Variants in CTSF observed in about 807,000 individuals in gnomAD.
The protein encoded by CTSF is cathepsin F.
A neutral mutation model predicts 63.5 loss-of-function variants in CTSF; 65 were observed. The ratio of observed to expected loss-of-function variants is 1.02; its 90% CI spans 0.84 to 1.26. The LOEUF is 1.26. Ranked by LOEUF, CTSF falls within the 50% of genes most tolerant of loss-of-function variation. The pLI is 0.00. For missense variants in CTSF, 641 were observed against 631.0 expected (o/e 1.02, Z -0.17); for synonymous variants, 256 against 258.1 (o/e 0.99, Z 0.08).
chr11:66,568,021 G>C lies in CTSF; in HGVS notation c.275C>G (p.Pro92Arg). 1 of 1,601,838 alleles carries C rather than the reference G, an allele frequency of 6.2e-7. No individual in the cohort carries two copies. Residue 92 changes from proline (P) to arginine (R), a missense_variant, in exon 2 of 13, where the codon CCC becomes CGC. Pro to Arg is a moderately radical substitution (Grantham distance 103). Coordinates refer to ENST00000310325, the MANE Select transcript of CTSF (RefSeq NM_003793.4). ...GGACACGGGGAGCCGGCACACCATG[G>C]GGTCGTTGCAGGGTGGCTCCTCCAG... ...ATLEEPPCND[P>R]MVCRLPVSKK...
chr11:66,567,096 G>T, intron 4 of CTSF, 150 bp downstream of exon 4: 2 of 775,148 alleles, frequency 2.6e-6, no homozygotes, highest in Non-Finnish European at 4.3e-6. Flanking sequence ...TGGCTGCCAG[G>T]CTGGGAAGGC....
Position 66,564,127 on chromosome 11 carries a change from C to T in CTSF, c.1341G>A (p.Trp447Ter). 6.2e-7 allele frequency: 1 copy of T among 1,612,848 alleles called. No homozygotes were observed. The highest frequency in any genetic ancestry group is 1.7e-5 in the Admixed American group (1 of 59,790). The change falls in exon 12 of 13, where the codon TGG (tryptophan) becomes TGA (stop). Residue 447 changes from tryptophan to a stop codon, truncating the protein, a stop_gained. Coordinates refer to ENST00000310325, the MANE Select transcript of CTSF (RefSeq NM_003793.4). LOFTEE classifies it high-confidence loss of function. The stretch of plus-strand genomic sequence containing the variant: ...CAGTGCCCCAGCTGTTCTTGATGGC[C>T]CAAAAGGGAACGTCAGAGCCTGGGG... Reference protein sequence around the residue: ...GYGNRSDVPFWAIKNSWGTDW... With the variant: ...GYGNRSDVPF
chr11:66,565,601 C>G lies in CTSF; in HGVS notation c.1045+70G>C, dbSNP rs4630309. On this transcript the variant is annotated intron_variant, in intron 8 of 12. Coordinates refer to ENST00000310325, the MANE Select transcript of CTSF (RefSeq NM_003793.4). ...AACTCTCATGCTCATGTCTCCCCCCCATTATGAAGTAACTTCTTGTACAGG... is the reference window on the plus strand; with the variant it reads ...AACTCTCATGCTCATGTCTCCCCCCGATTATGAAGTAACTTCTTGTACAGG... 46 of 1,590,866 alleles carry G rather than the reference C, an allele frequency of 2.9e-5. No individual in the cohort carries two copies. In the East Asian group the frequency reaches 4.5e-4, roughly 15 times the overall value.
rs1275033733 is a variant in CTSF, at chr11:66,565,851, A to T, written c.944T>A (p.Leu315Gln). The change falls in exon 7 of 13, where the codon CTG (leucine) becomes CAG (glutamine). Residue 315 changes from leucine (L) to glutamine (Q), a missense_variant. Coordinates refer to ENST00000310325, the MANE Select transcript of CTSF (RefSeq NM_003793.4). ...CTCACCCTGTTCAGAGAGGGAGAGC[A>T]GGGTCCCCTGGTTGAGAAACCACTG... Reference protein sequence around the residue: ...EGQWFLNQGTLLSLSEQELLD... With the variant: ...EGQWFLNQGTQLSLSEQELLD... 1.2e-6 allele frequency: 2 copies of T among 1,614,022 alleles called. No individual in the cohort carries two copies. The highest frequency in any genetic ancestry group is 1.1e-5 in the South Asian group (1 of 91,090).
At position 66,568,407 on chromosome 11, in the gene CTSF, G is replaced by A. The variant is rs1857986004; in HGVS notation, c.80C>T (p.Ala27Val). 15 of 1,327,556 alleles carry A rather than the reference G, an allele frequency of 1.1e-5. No homozygotes were observed. The highest frequency in any genetic ancestry group is 1.3e-5 in the Non-Finnish European group (14 of 1,047,218). 82.2% of individuals were successfully genotyped at this position (1,327,556 alleles called of 1,614,324 possible). Residue 27 changes from alanine to valine, a missense_variant, in exon 1 of 13, where the codon GCC becomes GTC. By Grantham distance (64) the Ala-to-Val change is moderately conservative (BLOSUM62 0). Coordinates refer to ENST00000310325, the MANE Select transcript of CTSF (RefSeq NM_003793.4). Reference protein sequence around the residue: ...AVAAPAQPRAASFQAWGPPSP... With the variant: ...AVAAPAQPRAVSFQAWGPPSP... ...CGGCGGCCCCCAGGCCTGAAAGCTG[G>A]CGGCTCGGGGCTGGGCGGGGGCGGC...
rs1353634667 is a variant in CTSF at position 66,567,516 on chromosome 11, T to C, written c.459A>G (p.Gln153=). 6.2e-7 allele frequency: 1 copy of C among 1,614,142 alleles called. No individual in the cohort carries two copies. The highest frequency in any genetic ancestry group is 1.7e-5 in the Admixed American group (1 of 60,030). The change falls in exon 3 of 13, where the codon CAA becomes CAG. Residue 153 remains glutamine, a synonymous_variant. Coordinates refer to ENST00000310325, the MANE Select transcript of CTSF (RefSeq NM_003793.4). Reference sequence around the variant, plus strand: ...TCTCGTTTCTGTTGTCTGGATGGTTTTGGGACAGAGAAGAAATCATGGCTG... The same window carrying C: ...TCTCGTTTCTGTTGTCTGGATGGTTCTGGGACAGAGAAGAAATCATGGCTG... ...QGSAMISSLS[Q]NHPDNRNETF...
intron 8 of CTSF, among the ~76,000 whole-genome samples, chr11:66,565,364 C>G (rs543660114): frequency 1.3e-5 from 2 of 152,324 alleles, no homozygotes; most frequent in Admixed American, 6.5e-5. Flanking sequence ...CCTCAGCCCC[C>G]CAAGTAGCTG....
At chr11:66,565,301 C>T (rs997292485) in intron 8 of CTSF, among the ~76,000 whole-genome samples, 3 of 152,164 alleles carry the variant, frequency 2.0e-5, no homozygotes, top group African/African-American at 7.2e-5. Context: ...AGTACAGTGG[C>T]ACAAACATGC....
chr11:66,564,971 C>T lies in CTSF; in HGVS notation c.1081G>A (p.Gly361Ser). The change falls in exon 9 of 13, where the codon GGT (glycine) becomes AGT (serine). Residue 361 changes from glycine (G) to serine (S), a missense_variant. By Grantham distance (56) the Gly-to-Ser change is moderately conservative. Transcript: ENST00000310325. ...GAGAAGTTGCAGGACTGCATGTGAC[C>T]CTGGTAGCTGTAGTCATCCTCTGTC... ...LETEDDYSYQ[G>S]HMQSCNFSAE... is the part of the protein sequence containing the mutation. 1 of 1,587,618 alleles carries T rather than the reference C, an allele frequency of 6.3e-7. No individual in the cohort carries two copies. The highest frequency in any genetic ancestry group is 8.6e-7 in the Non-Finnish European group (1 of 1,162,888).
At position 66,564,675 on chromosome 11, in the gene CTSF, C is replaced by T. The variant is rs113541570; in HGVS notation, c.1231-27G>A. The T allele has an allele frequency of 7.0e-4, 1,130 of 1,612,506 alleles. 9 individuals carry two copies. The African/African-American group carries it at 0.012, about 18-fold the overall frequency. On this transcript the variant is annotated intron_variant, in intron 10 of 12. Coordinates refer to ENST00000310325, the MANE Select transcript of CTSF (RefSeq NM_003793.4). ...TGGAGGTGGAGAAGGAGTAGGGGAT[C>T]GACTCCAAGAAGAGGTCGGGGAGGT...
rs1182319852 is a variant in CTSF, at chr11:66,567,529, G to C, written c.446C>G (p.Ser149Cys). The change falls in exon 3 of 13, where the codon TCT becomes TGT. Residue 149 changes from serine (S) to cysteine (C), a missense_variant. Ser to Cys is a moderately radical substitution (Grantham distance 112). Coordinates refer to ENST00000310325, the MANE Select transcript of CTSF (RefSeq NM_003793.4). ...SAFTQGSAMI[S>C]SLSQNHPDNR... Reference sequence around the variant, plus strand: ...GTCTGGATGGTTTTGGGACAGAGAAGAAATCATGGCTGAGCCCTGAGTGAA... The same window carrying C: ...GTCTGGATGGTTTTGGGACAGAGAACAAATCATGGCTGAGCCCTGAGTGAA... The C allele has an allele frequency of 1.9e-6, 3 of 1,614,120 alleles. No homozygotes were observed. The highest frequency in any genetic ancestry group is 2.5e-6 in the Non-Finnish European group (3 of 1,180,054).
intron 8 of CTSF, 71 bp downstream of exon 8, chr11:66,565,600 C>T (rs748464271): frequency 8.2e-6 from 13 of 1,590,484 alleles, no homozygotes; most frequent in African/African-American, 4.0e-5. Flanking sequence ...TGTCTCCCCC[C>T]CATTATGAAG....
chr11:66,565,351 C>T (rs1045139400), intron 8 of CTSF, among the ~76,000 whole-genome samples: 3 of 152,210 alleles, frequency 2.0e-5, no homozygotes, highest in African/African-American at 4.8e-5. Flanking sequence ...AGCGATCCTC[C>T]TGCCTCAGCC....
chr11:66,565,928 C>T lies in CTSF; in HGVS notation c.868-1G>A. 6.2e-7 allele frequency: 1 copy of T among 1,614,144 alleles called. No homozygotes were observed. Among genetic ancestry groups the T allele is most frequent in the Non-Finnish European group, 8.5e-7 (1 of 1,180,042 alleles). On this transcript the variant is annotated splice_acceptor_variant, in intron 6 of 12. Coordinates refer to ENST00000310325, the MANE Select transcript of CTSF (RefSeq NM_003793.4). LOFTEE classifies it high-confidence loss of function. The stretch of plus-strand genomic sequence containing the variant: ...AGGCCCAGCAGGAGCCACACATGCC[C>T]TACAAGAGATGGGTGGAGTTGGAGT...
chr11:66,568,424 G>A lies in CTSF; in HGVS notation c.63C>T (p.Pro21=). Residue 21 remains proline, a synonymous_variant, in exon 1 of 13, where the codon CCC becomes CCT. Coordinates refer to ENST00000310325, the MANE Select transcript of CTSF (RefSeq NM_003793.4). ...GAAAGCTGGCGGCTCGGGGCTGGGC[G>A]GGGGCGGCCACTGCGCCCGGGAGCA... The part of the protein sequence containing the change: ...LGLLPGAVAA[P]AQPRAASFQA... 2 of 1,363,842 alleles carry A rather than the reference G, an allele frequency of 1.5e-6. No homozygotes were observed. The highest frequency in any genetic ancestry group is 1.9e-6 in the Non-Finnish European group (2 of 1,068,656). The allele number at this position is 1,363,842 out of a possible 1,614,324, so 84.5% of individuals were successfully genotyped here.
Position 66,564,074 on chromosome 11 carries a change from C to G in CTSF, c.1380+14G>C. On this transcript the variant is annotated intron_variant, in intron 12 of 12. Coordinates refer to ENST00000310325, the MANE Select transcript of CTSF (RefSeq NM_003793.4). ...GGCGGCTGGAGGGCCAGGGGCCAAG[C>G]CAGCAAGACTCACCTTCTCACCCCA... 1 of 1,613,662 alleles carries G rather than the reference C, an allele frequency of 6.2e-7. No individual in the cohort carries two copies. The highest frequency in any genetic ancestry group is 1.1e-5 in the South Asian group (1 of 91,016).
rs967357477 is a variant in CTSF at position 66,565,895 on chromosome 11, G to C, written c.900C>G (p.Val300=). ...GMCGSCWAFS[V]TGNVEGQWFL... is the part of the protein sequence containing the mutation. ...ACCACTGGCCCTCCACATTGCCTGT[G>C]ACTGAGAAGGCCCAGCAGGAGCCAC... Residue 300 remains valine, a synonymous_variant, in exon 7 of 13, where the codon GTC becomes GTG. Transcript: ENST00000310325. The C allele has an allele frequency of 6.2e-7, 1 of 1,614,056 alleles. No individual in the cohort carries two copies. Among genetic ancestry groups the C allele is most frequent in the Non-Finnish European group, 8.5e-7 (1 of 1,180,032 alleles).
intron 8 of CTSF, among the ~76,000 whole-genome samples, chr11:66,565,366 A>ATC (rs1809164250): frequency 1.3e-5 from 2 of 152,068 alleles, no homozygotes; most frequent in Non-Finnish European, 2.9e-5. Context: ...TCAGCCCCCC[A>ATC]AGTAGCTGAG....
In CTSF at chr11:66,566,303, TG is replaced by T; in HGVS notation, c.708del (p.Phe236LeufsTer14). On this transcript the variant is annotated frameshift_variant, in exon 5 of 13. Coordinates refer to ENST00000310325, the MANE Select transcript of CTSF (RefSeq NM_003793.4). LOFTEE classifies it high-confidence loss of function. Reference protein sequence around the residue: ...RGTAQYGVTKFSDLTEEEFRT... With the variant: ...RGTAQYGVTKXSDLTEEEFRT... ...CCACTATCCCTACCTGTGAGATCACTGAACTTGGTGACTCCATACTGAGCTG... is the reference window on the plus strand; with the variant it reads ...CCACTATCCCTACCTGTGAGATCACTAACTTGGTGACTCCATACTGAGCTG... The T allele has an allele frequency of 6.2e-7, 1 of 1,614,178 alleles. No individual in the cohort carries two copies. Among genetic ancestry groups the T allele is most frequent in the Non-Finnish European group, 8.5e-7 (1 of 1,180,028 alleles).
Sources: gnomAD v4.1 joint callset for allele counts (sites outside exome capture counted in the v4.1 genomes callset) on GRCh38, gnomAD v4.1.1 for gene constraint, MANE v1.5 for transcripts, NCBI Gene and HGNC (gene_info 2026-07-23, HGNC 2026-07-21) for gene names.